The following BABAM2 variants were observed in gnomAD, a reference collection of about 807,000 sequenced individuals.
The protein encoded by BABAM2 is BRISC and BRCA1-A complex member 2.
Under a neutral mutation model 54.7 loss-of-function variants are expected in BABAM2, and 31 were observed. The ratio of observed to expected loss-of-function variants is 0.57; its 90% confidence interval spans 0.43 to 0.77. The LOEUF (loss-of-function observed/expected upper bound fraction) is 0.77. BABAM2 is among the 30% of genes least tolerant of loss of function. The probability of loss-of-function intolerance (pLI) is 0.00; values close to 1 mark genes in which losing one functional copy is unlikely to be tolerated. For missense variants in BABAM2, 364 were observed against 455.8 expected (o/e 0.80, Z 1.83); for synonymous variants, 167 against 162.9 (o/e 1.03, Z -0.19).
intron 6 of BABAM2, among the ~76,000 whole-genome samples, chr2:28,089,269 C>T (rs73922219): frequency 0.013 from 1,916 of 152,058 alleles, 40 homozygotes; most frequent in African/African-American, 0.044. Context: ...AGAAATAAAG[C>T]GCGGAAAGCC....
intron 7 of BABAM2, among the ~76,000 whole-genome samples, chr2:28,205,480 C>T (rs1266800931): frequency 1.3e-5 from 2 of 151,760 alleles, no homozygotes; most frequent in South Asian, 2.1e-4. Context: ...TCCAGCCTGG[C>T]GACAGAGCAA....
At chr2:28,097,428 T>C (rs1039318706) in intron 6 of BABAM2, among the ~76,000 whole-genome samples, 1 of 152,230 alleles carries the variant, frequency 6.6e-6, no homozygotes, top group Non-Finnish European at 1.5e-5. Flanking sequence ...AGTAGTTATA[T>C]AATGATACCT....
intron 3 of BABAM2, among the ~76,000 whole-genome samples, chr2:27,937,572 T>A (rs900555499): frequency 6.6e-6 from 1 of 152,248 alleles, no homozygotes; most frequent in Non-Finnish European, 1.5e-5. Flanking sequence ...TAATTAGTGA[T>A]GTTGAACATT....
intron 11 of BABAM2, among the ~76,000 whole-genome samples, chr2:28,312,832 G>C (rs373968330): frequency 1.4e-4 from 21 of 152,230 alleles, no homozygotes; most frequent in African/African-American, 5.1e-4. Context: ...TGAAATAATC[G>C]ATATAGACCT....
chr2:28,016,792 A>C (rs1558659332), intron 4 of BABAM2, among the ~76,000 whole-genome samples: 1 of 152,212 alleles, frequency 6.6e-6, no homozygotes, highest in Admixed American at 6.5e-5. Flanking sequence ...TACAATTTGT[A>C]GTGGTGAAGG....
intron 2 of BABAM2, among the ~76,000 whole-genome samples, chr2:27,907,705 C>T (rs1271830898): frequency 6.6e-6 from 1 of 152,154 alleles, no homozygotes; most frequent in Non-Finnish European, 1.5e-5. Context: ...CAGCTACTGG[C>T]AGCCACCATT....
intron 6 of BABAM2, among the ~76,000 whole-genome samples, chr2:28,126,957 G>T (rs574068744): frequency 2.1e-3 from 321 of 150,180 alleles, no homozygotes; most frequent in African/African-American, 7.4e-3. Context: ...AGAAGTGTCT[G>T]TTCATGTCCT....
intron 6 of BABAM2, among the ~76,000 whole-genome samples, chr2:28,106,111 A>G (rs1667502063): frequency 6.6e-6 from 1 of 152,148 alleles, no homozygotes; most frequent in South Asian, 2.1e-4. Context: ...TGTATTTCTT[A>G]GAAATAAAGG....
At chr2:28,330,417 T>A (rs1225066090) in intron 11 of BABAM2, among the ~76,000 whole-genome samples, 1 of 152,174 alleles carries the variant, frequency 6.6e-6, no homozygotes, top group Non-Finnish European at 1.5e-5. Flanking sequence ...TGCCATGATC[T>A]TATATCTAGA....
intron 3 of BABAM2, among the ~76,000 whole-genome samples, chr2:27,935,207 A>G (rs1380139531): frequency 6.6e-6 from 1 of 152,258 alleles, no homozygotes; most frequent in Non-Finnish European, 1.5e-5. Context: ...AAGGCCCATA[A>G]GAATTATGCT....
intron 10 of BABAM2, among the ~76,000 whole-genome samples, chr2:28,282,997 C>CAA (rs370484850): frequency 0.089 from 5,909 of 66,110 alleles, 29 homozygotes; most frequent in East Asian, 0.15. Flanking sequence ...GACTCCGTCC[C>CAA]AAAAAAAAAA....
intron 11 of BABAM2, among the ~76,000 whole-genome samples, chr2:28,323,161 T>C (rs1181964591): frequency 1.3e-5 from 2 of 152,202 alleles, no homozygotes; most frequent in Admixed American, 1.3e-4. Context: ...ATGCAGTCCC[T>C]TACCCCTGCA....
intron 6 of BABAM2, among the ~76,000 whole-genome samples, chr2:28,067,562 A>G (rs944653523): frequency 6.6e-6 from 1 of 152,196 alleles, no homozygotes; most frequent in African/African-American, 2.4e-5. Context: ...CCAGAGGTGG[A>G]TGAGTTTGAA....
chr2:28,192,280 T>C (rs1389774788), intron 7 of BABAM2, among the ~76,000 whole-genome samples: 1 of 152,128 alleles, frequency 6.6e-6, no homozygotes, highest in African/African-American at 2.4e-5. Flanking sequence ...GTGATCTGCC[T>C]GCCTCGGCCT....
intron 8 of BABAM2, among the ~76,000 whole-genome samples, chr2:28,238,944 C>A (rs868467252): frequency 5.9e-5 from 9 of 151,936 alleles, no homozygotes; most frequent in African/African-American, 2.2e-4. Flanking sequence ...AATTGATGTT[C>A]TTCTGTTTGC....
At chr2:28,172,397 CCA>C (rs1262519682) in intron 7 of BABAM2, among the ~76,000 whole-genome samples, 35 of 152,190 alleles carry the variant, frequency 2.3e-4, no homozygotes, top group African/African-American at 7.9e-4. Context: ...GGCTCCCTAC[CCA>C]CCCCGTGTGG....
intron 11 of BABAM2, among the ~76,000 whole-genome samples, chr2:28,303,547 TAC>T (rs1292669502): frequency 1.3e-5 from 2 of 152,216 alleles, no homozygotes; most frequent in African/African-American, 4.8e-5. Context: ...TAGGTTTGTA[TAC>T]CAATATTTCT....
intron 10 of BABAM2, among the ~76,000 whole-genome samples, chr2:28,275,439 A>G (rs1233158635): frequency 6.6e-6 from 1 of 152,132 alleles, no homozygotes; most frequent in Non-Finnish European, 1.5e-5. Context: ...CATTGTACCT[A>G]TTGCCTAACT....
chr2:28,264,754 G>C (rs1684833554), intron 10 of BABAM2, among the ~76,000 whole-genome samples: 1 of 152,130 alleles, frequency 6.6e-6, no homozygotes, highest in South Asian at 2.1e-4. Flanking sequence ...GAGGTGAACA[G>C]CCCAAGATTG....
Sources: allele counts gnomAD v4.1 joint callset (sites outside exome capture counted in the v4.1 genomes callset), GRCh38; gene constraint gnomAD v4.1.1; transcripts MANE v1.5; gene names NCBI Gene and HGNC (gene_info 2026-07-23, HGNC 2026-07-21).